CCDC144A: variants seen among roughly 807,000 people sequenced by gnomAD.
CCDC144A encodes the protein coiled-coil domain-containing protein 144A.
In CCDC144A, 41 loss-of-function variants were observed where a neutral mutation model predicts 143.8. The observed-to-expected ratio is 0.29, with a 90% confidence interval of 0.22 to 0.37. The LOEUF is 0.37. Ranked by LOEUF, CCDC144A falls within the 10% of genes least tolerant of loss-of-function variation. CCDC144A has a pLI of 1.00. For synonymous variants in CCDC144A, 242 were observed against 517.9 expected (o/e 0.47, Z 7.23); for missense variants, 637 against 1,488.8 (o/e 0.43, Z 9.41).
At chr17:16,671,203 A>C in the CCDC144A span, among the ~76,000 whole-genome samples, 1 of 152,018 alleles carries the variant, frequency 6.6e-6, no homozygotes, top group Non-Finnish European at 1.5e-5. Context: ...GGTTGGTCTC[A>C]AACTCATGAC....
At chr17:16,747,967 C>A (rs141738019) in intron 12 of CCDC144A, among the ~76,000 whole-genome samples, 2 of 152,108 alleles carry the variant, frequency 1.3e-5, no homozygotes, top group South Asian at 4.1e-4. Flanking sequence ...TGAATACATA[C>A]GGTGAGAGTG....
chr17:16,676,446 G>T, the CCDC144A span, among the ~76,000 whole-genome samples: 2 of 151,542 alleles, frequency 1.3e-5, no homozygotes, highest in South Asian at 2.1e-4. Flanking sequence ...GGGAGGCAGA[G>T]CTTGCAGTGG....
At position 16,751,911 on chromosome 17, in the gene CCDC144A, C is replaced by T. The variant is rs143482324; in HGVS notation, c.3373-9514C>T. Among the ~76,000 whole-genome samples the T allele has an allele frequency of 5.7e-3, 873 of 152,364 alleles. 10 individuals carry two copies. Among genetic ancestry groups the T allele is most frequent in the African/African-American group, 0.02 (828 of 41,586 alleles). ...CTCCCTCCAGTGTCTGCCCCCAGGG[C>T]AGGCCCAACTAGGTAGTTTTGTCCC... On this transcript the variant is annotated intron_variant, in intron 12 of 16. Transcript: ENST00000399273.
chr17:16,674,190 G>T, the CCDC144A span, among the ~76,000 whole-genome samples: 2 of 151,880 alleles, frequency 1.3e-5, no homozygotes, highest in Non-Finnish European at 2.9e-5. Flanking sequence ...GAGGTGGGAG[G>T]ATCACCTGAG....
intron 8 of CCDC144A, among the ~76,000 whole-genome samples, chr17:16,726,731 G>A (rs964663614): frequency 1.3e-5 from 2 of 152,108 alleles, no homozygotes; most frequent in African/African-American, 2.4e-5. Flanking sequence ...TACTCTGCTA[G>A]ATACTCAGGA....
chr17:16,667,403 A>G, the CCDC144A span, among the ~76,000 whole-genome samples: 1 of 148,324 alleles, frequency 6.7e-6, no homozygotes, highest in African/African-American at 2.5e-5. Context: ...TGAGGGGCCG[A>G]GCGGATAAGG....
chr17:16,671,164 A>G, the CCDC144A span, among the ~76,000 whole-genome samples: 1 of 151,844 alleles, frequency 6.6e-6, no homozygotes, highest in African/African-American at 2.4e-5. Flanking sequence ...TGTACTTTCA[A>G]TAGAGACAGG....
the CCDC144A span, among the ~76,000 whole-genome samples, chr17:16,676,247 C>T: frequency 6.6e-6 from 1 of 151,988 alleles, no homozygotes; most frequent in South Asian, 2.1e-4. Flanking sequence ...TGCGGTGGCT[C>T]ATGTCTGTAT....
rs1916031078 is a variant in CCDC144A at position 16,777,257 on chromosome 17, A to G, written c.*3624A>G. ...GAAATGAGGTAGTTGGCAACACAAT[A>G]ATAGTGGGGGATGTTAATACTCCGC... On this transcript the variant is annotated 3_prime_UTR_variant, in exon 17 of 17. Transcript: ENST00000399273. 1 of 147,958 alleles carries G rather than the reference A, an allele frequency of 6.8e-6. No individual in the cohort carries two copies. Among genetic ancestry groups the G allele is most frequent in the African/African-American group, 2.5e-5 (1 of 39,418 alleles). The allele number at this position is 147,958 out of a possible 1,614,324, so 9.2% of individuals were successfully genotyped here. A position where few individuals can be genotyped will look rare whatever the true frequency, so the allele number is the denominator to read the frequency against.
At chr17:16,703,891 G>A (rs1026356314) in intron 2 of CCDC144A, among the ~76,000 whole-genome samples, 2 of 152,140 alleles carry the variant, frequency 1.3e-5, no homozygotes, top group African/African-American at 4.8e-5. Flanking sequence ...CACCATTAGA[G>A]CTATGATGTT....
chr17:16,697,957 G>A (rs578068208), intron 2 of CCDC144A, among the ~76,000 whole-genome samples: 14 of 152,274 alleles, frequency 9.2e-5, no homozygotes, highest in African/African-American at 3.4e-4. Context: ...GTATAGAGGA[G>A]AGCAGCAGGT....
At chr17:16,683,780 C>T in the CCDC144A span, 2 of 1,471,170 alleles carry the variant, frequency 1.4e-6, no homozygotes, top group East Asian at 2.3e-5. Flanking sequence ...CATATGCAAG[C>T]ACATGAAGCC....
At chr17:16,716,786 T>C (rs1257010286) in intron 6 of CCDC144A, among the ~76,000 whole-genome samples, 3 of 152,028 alleles carry the variant, frequency 2.0e-5, no homozygotes, top group East Asian at 3.9e-4. Context: ...GTGAGAGTCA[T>C]TGCCTGTGTG....
At chr17:16,694,169 C>T (rs1173813872) in intron 2 of CCDC144A, among the ~76,000 whole-genome samples, 2 of 150,406 alleles carry the variant, frequency 1.3e-5, no homozygotes, top group Non-Finnish European at 3.0e-5. Context: ...CAGTTCAAAT[C>T]CGTGTTGTTC....
chr17:16,723,716 C>A (rs1597559000), intron 8 of CCDC144A, among the ~76,000 whole-genome samples: 1 of 152,252 alleles, frequency 6.6e-6, no homozygotes, highest in South Asian at 2.1e-4. Flanking sequence ...GCACTAATCC[C>A]ACTAATGAGG....
intron 2 of CCDC144A, among the ~76,000 whole-genome samples, chr17:16,696,658 A>G (rs923810164): frequency 6.6e-6 from 1 of 151,840 alleles, no homozygotes; most frequent in African/African-American, 2.4e-5. Flanking sequence ...AGAAAAGAAA[A>G]GAAAAAAGAA....
At chr17:16,672,511 G>C in the CCDC144A span, among the ~76,000 whole-genome samples, 1 of 152,058 alleles carries the variant, frequency 6.6e-6, no homozygotes, top group African/African-American at 2.4e-5. Context: ...AAATGTTTGT[G>C]TTTGCCTAAA....
At chr17:16,743,527 C>T (rs1914352334) in intron 12 of CCDC144A, among the ~76,000 whole-genome samples, 1 of 151,780 alleles carries the variant, frequency 6.6e-6, no homozygotes, top group South Asian at 2.1e-4. Context: ...GGAGTGATGC[C>T]TCCAGCTCTG....
intron 14 of CCDC144A, among the ~76,000 whole-genome samples, chr17:16,763,257 C>T (rs984230845): frequency 1.8e-4 from 28 of 151,986 alleles, no homozygotes; most frequent in African/African-American, 6.8e-4. Flanking sequence ...TGATTGTCCT[C>T]GATGCTGCTT....
Sources: gnomAD v4.1 joint callset for allele counts (sites outside exome capture counted in the v4.1 genomes callset) on GRCh38, gnomAD v4.1.1 for gene constraint, MANE v1.5 for transcripts, NCBI Gene and HGNC (gene_info 2026-07-23, HGNC 2026-07-21) for gene names.